PDZD2: variants seen among roughly 807,000 people sequenced by gnomAD.
PDZD2 encodes PDZ domain-containing protein 2.
A neutral mutation model predicts 220.7 loss-of-function variants in PDZD2; 90 were observed. That is an observed-to-expected ratio of 0.41 (90% CI 0.34 to 0.49). The LOEUF (loss-of-function observed/expected upper bound fraction) is 0.49. Among genes scored for constraint, PDZD2 ranks in the 20% least tolerant of loss-of-function variants. The pLI is 0.28. For missense variants in PDZD2, 3,174 were observed against 3,608.5 expected (o/e 0.88, Z 3.08); for synonymous variants, 1,375 against 1,450.5 (o/e 0.95, Z 1.18).
At chr5:31,662,833 T>C (rs1052253406) in intron 1 of PDZD2, among the ~76,000 whole-genome samples, 2 of 152,194 alleles carry the variant, frequency 1.3e-5, no homozygotes, top group Non-Finnish European at 2.9e-5. Context: ...GGTTTCACCG[T>C]GTTAGCCAGG....
chr5:31,675,552 G>A (rs535101055), intron 1 of PDZD2, among the ~76,000 whole-genome samples: 1 of 152,174 alleles, frequency 6.6e-6, no homozygotes, highest in Admixed American at 6.5e-5. Context: ...TAGAAAAAAT[G>A]CTCCAAGAAA....
chr5:31,796,354 G>A (rs181446630), intron 1 of PDZD2, among the ~76,000 whole-genome samples: 20 of 152,250 alleles, frequency 1.3e-4, no homozygotes, highest in Non-Finnish European at 4.4e-5. Context: ...GGAAAGCTGT[G>A]GGGAACCCAG....
intron 1 of PDZD2, among the ~76,000 whole-genome samples, chr5:31,780,464 A>G (rs1752998945): frequency 6.6e-6 from 1 of 152,208 alleles, no homozygotes; most frequent in Admixed American, 6.5e-5. Context: ...TATTTCATCA[A>G]CGAACATTAA....
chr5:31,983,188 T>C lies in PDZD2; in HGVS notation c.510T>C (p.Phe170=), dbSNP rs769885713. ...CTGAGCAGTGCTGGAATGGCGGCTT[T>C]ATCTACCTGATCATGCTGCGTCGCT... ...YLAEQCWNGG[F]IYLIMLRRFK... Residue 170 remains phenylalanine, a synonymous_variant, in exon 3 of 25, where the codon TTT becomes TTC. Transcript: ENST00000438447. 12 of 1,614,148 alleles carry C rather than the reference T, an allele frequency of 7.4e-6. No homozygotes were observed. In the Admixed American group the frequency reaches 2.0e-4, roughly 27 times the overall value.
At chr5:31,976,063 G>A (rs1364506544) in intron 2 of PDZD2, among the ~76,000 whole-genome samples, 1 of 151,936 alleles carries the variant, frequency 6.6e-6, no homozygotes, top group African/African-American at 2.4e-5. Flanking sequence ...TCCACCTTGA[G>A]TCCCCTAAGG....
rs750976124 is a variant in PDZD2 at position 31,856,932 on chromosome 5, ATAT to A, written c.476+57209_476+57211del. 1.9e-3 allele frequency among the ~76,000 whole-genome samples: 237 copies of A among 125,714 alleles called. 1 individual carries two copies. The highest frequency in any genetic ancestry group is 6.3e-3 in the African/African-American group (204 of 32,352). The allele number at this position is 125,714 out of a possible 152,430, so 82.5% of individuals were successfully genotyped here. A position where few individuals can be genotyped will look rare whatever the true frequency, so the allele number is the denominator to read the frequency against. Reference sequence around the variant, plus strand: ...ACTATATATATATATATATATATATATATAACTTTAAAAAGTCAAATATGTCTA... The same window carrying A: ...ACTATATATATATATATATATATATAAACTTTAAAAAGTCAAATATGTCTA... On this transcript the variant is annotated intron_variant, in intron 2 of 24. Transcript: ENST00000438447.
At chr5:32,002,590 C>CCACACACCTCACACATACCACA (rs1752224617) in intron 5 of PDZD2, among the ~76,000 whole-genome samples, 1 of 143,284 alleles carries the variant, frequency 7.0e-6, no homozygotes, top group Non-Finnish European at 1.5e-5. Context: ...CTCACACATA[C>CCACACACCTCACACATACCACA]CACACACACA....
chr5:31,724,748 T>C (rs1749024307), intron 1 of PDZD2, among the ~76,000 whole-genome samples: 1 of 151,408 alleles, frequency 6.6e-6, no homozygotes, highest in African/African-American at 2.4e-5. Flanking sequence ...TGACAAGACA[T>C]AAAGGTCCAC....
chr5:31,970,060 G>C (rs1749159598), intron 2 of PDZD2, among the ~76,000 whole-genome samples: 2 of 151,892 alleles, frequency 1.3e-5, no homozygotes, highest in Admixed American at 1.3e-4. Context: ...CACCACCCCT[G>C]GCTAATTTTG....
At chr5:31,716,956 G>T (rs1380285744) in intron 1 of PDZD2, among the ~76,000 whole-genome samples, 1 of 152,048 alleles carries the variant, frequency 6.6e-6, no homozygotes. Flanking sequence ...GTGGGGTGGC[G>T]GTGAGAGGGG....
chr5:31,689,290 C>CATATATACATATATATACATATATACAT (rs72431052), intron 1 of PDZD2, among the ~76,000 whole-genome samples: 41 of 96,612 alleles, frequency 4.2e-4, no homozygotes, highest in Middle Eastern at 4.6e-3. Flanking sequence ...TATATACATA[C>CATATATACATATATATACATATATACAT]ATATACATAT....
At chr5:31,654,750 A>C (rs1000417358) in intron 1 of PDZD2, among the ~76,000 whole-genome samples, 1 of 152,116 alleles carries the variant, frequency 6.6e-6, no homozygotes, top group Admixed American at 6.5e-5. Context: ...GGAATCTCCC[A>C]GTTGCTGTTG....
chr5:31,755,863 C>T (rs1017611564), intron 1 of PDZD2, among the ~76,000 whole-genome samples: 11 of 151,926 alleles, frequency 7.2e-5, no homozygotes, highest in Admixed American at 1.3e-4. Flanking sequence ...GGCCAAGCAG[C>T]GGAGTAAAAG....
At position 32,092,991 on chromosome 5, in the gene PDZD2, A is replaced by C. The variant is rs766382033; in HGVS notation, c.7812A>C (p.Leu2604=). The change falls in exon 21 of 25, where the codon CTA becomes CTC. Residue 2604 remains leucine, a synonymous_variant. Transcript: ENST00000438447. The part of the protein sequence containing the change: ...LSSVGSKSTI[L]TLIQEAKAQS... Reference sequence around the variant, plus strand: ...CAGTGGGATCGAAATCTACCATCCTAACTCTCATTCAGGAAGCGAAAGCAC... The same window carrying C: ...CAGTGGGATCGAAATCTACCATCCTCACTCTCATTCAGGAAGCGAAAGCAC... 113 of 1,596,920 alleles carry C rather than the reference A, an allele frequency of 7.1e-5. No homozygotes were observed. The highest frequency in any genetic ancestry group is 1.5e-4 in the Admixed American group (9 of 59,862).
intron 2 of PDZD2, chr5:31,832,594 T>C (rs983059493): frequency 5.3e-5 from 8 of 152,158 alleles, no homozygotes; most frequent in Non-Finnish European, 8.8e-5. Flanking sequence ...GGCAGGCAGA[T>C]CACCTGAGGT....
Position 31,867,894 on chromosome 5 carries a change from C to T in PDZD2, c.476+68170C>T, listed in dbSNP as rs567226735. ...GGAAGGCAGCAGGTGTGGGGTGGGG[C>T]GGGGAGGGGCGGGGCAGAGCAGGGC... On this transcript the variant is annotated intron_variant, in intron 2 of 24. Transcript: ENST00000438447. Among the ~76,000 whole-genome samples, 10 of 13,132 alleles carry T rather than the reference C, an allele frequency of 7.6e-4. No individual in the cohort carries two copies. The South Asian group carries it at 0.011, about 14-fold the overall frequency. 8.6% of individuals were successfully genotyped at this position (13,132 alleles called of 152,430 possible). A position where few individuals can be genotyped will look rare whatever the true frequency, so the allele number is the denominator to read the frequency against.
chr5:32,024,697 A>C (rs533985197), intron 6 of PDZD2, among the ~76,000 whole-genome samples: 33 of 104,500 alleles, frequency 3.2e-4, no homozygotes, highest in African/African-American at 9.6e-4. Flanking sequence ...AAAAAAAGAA[A>C]GAAAAAAAAG....
intron 2 of PDZD2, chr5:31,909,118 T>A (rs1742954732): frequency 5.9e-6 from 1 of 170,472 alleles, no homozygotes; most frequent in South Asian, 1.7e-4. Context: ...TTTACTGGAC[T>A]ACTGGAAGGA....
In PDZD2 at chr5:31,818,897, G is replaced by C. The variant is rs574634570; in HGVS notation, c.476+19173G>C. Among the ~76,000 whole-genome samples the C allele has an allele frequency of 9.4e-4, 143 of 151,944 alleles. 1 individual carries two copies. Among genetic ancestry groups the C allele is most frequent in the Non-Finnish European group, 1.8e-3 (121 of 67,994 alleles). ...GCTAACTCAACAGATATAATTTTTT[G>C]TTTCCTTCTAATCTATGTTCATTTG... On this transcript the variant is annotated intron_variant, in intron 2 of 24. Coordinates refer to ENST00000438447, the MANE Select transcript of PDZD2 (RefSeq NM_178140.4).
Sources: allele counts gnomAD v4.1 joint callset (sites outside exome capture counted in the v4.1 genomes callset), GRCh38; gene constraint gnomAD v4.1.1; transcripts MANE v1.5; gene names NCBI Gene and HGNC (gene_info 2026-07-23, HGNC 2026-07-21).